The following LPP variants were observed in gnomAD, a reference collection of about 807,000 sequenced individuals.
LPP encodes lipoma-preferred partner.
LPP carries 38 observed loss-of-function variants against 60.4 expected under a neutral mutation model. That is an observed-to-expected ratio of 0.63 (90% CI 0.49 to 0.83). The LOEUF (loss-of-function observed/expected upper bound fraction) is 0.83. Among genes scored for constraint, LPP ranks in the 40% least tolerant of loss-of-function variants. LPP has a pLI of 0.00. For missense variants in LPP, 902 were observed against 783.6 expected (o/e 1.15, Z -1.80); for synonymous variants, 328 against 290.8 (o/e 1.13, Z -1.30).
At chr3:188,283,394 A>G (rs1742780581) in intron 2 of LPP, among the ~76,000 whole-genome samples, 1 of 152,182 alleles carries the variant, frequency 6.6e-6, no homozygotes, top group East Asian at 1.9e-4. Flanking sequence ...ATTGAATGAA[A>G]TTCTGGCTGC....
intron 6 of LPP, among the ~76,000 whole-genome samples, chr3:188,583,459 G>C (rs1051210052): frequency 5.3e-5 from 8 of 152,076 alleles, no homozygotes; most frequent in Non-Finnish European, 7.4e-5. Context: ...GACATTTTCA[G>C]CACACTCCTC....
At chr3:188,752,974 T>G (rs866278761) in intron 8 of LPP, among the ~76,000 whole-genome samples, 12 of 152,350 alleles carry the variant, frequency 7.9e-5, no homozygotes, top group Middle Eastern at 3.4e-3. Context: ...GGAGAAGTGA[T>G]GCTGGACTGG....
intron 7 of LPP, among the ~76,000 whole-genome samples, chr3:188,669,500 T>C (rs960629483): frequency 1.7e-4 from 26 of 152,058 alleles, no homozygotes; most frequent in South Asian, 2.1e-4. Context: ...GGTGTGAACC[T>C]GGGAGGCGGA....
chr3:188,326,349 C>T (rs752734855), intron 2 of LPP, among the ~76,000 whole-genome samples: 2 of 152,116 alleles, frequency 1.3e-5, no homozygotes, highest in Admixed American at 1.3e-4. Flanking sequence ...TTAAATATAC[C>T]GTACTCTTTT....
chr3:188,742,156 A>G (rs1437455557), intron 8 of LPP, among the ~76,000 whole-genome samples: 5 of 152,164 alleles, frequency 3.3e-5, no homozygotes, highest in African/African-American at 1.2e-4. Context: ...AGCATTAGCT[A>G]AAAGACAGAG....
intron 3 of LPP, among the ~76,000 whole-genome samples, chr3:188,376,904 G>T (rs59230128): frequency 0.011 from 1,693 of 152,266 alleles, 25 homozygotes; most frequent in African/African-American, 0.037. Context: ...AGGCCTGGTA[G>T]TGACAAAATC....
At chr3:188,602,771 TTTG>T (rs1841648154) in intron 6 of LPP, among the ~76,000 whole-genome samples, 1 of 150,854 alleles carries the variant, frequency 6.6e-6, no homozygotes, top group African/African-American at 2.4e-5. Flanking sequence ...TTTCCCCTCC[TTTG>T]TTGTTCAGAT....
chr3:188,753,965 A>C (rs542731898), intron 8 of LPP, among the ~76,000 whole-genome samples: 1 of 151,920 alleles, frequency 6.6e-6, no homozygotes, highest in African/African-American at 2.4e-5. Flanking sequence ...TATGATAAAA[A>C]CTCTTGTATT....
At chr3:188,702,368 G>T (rs1205349764) in intron 7 of LPP, among the ~76,000 whole-genome samples, 1 of 139,968 alleles carries the variant, frequency 7.1e-6, no homozygotes, top group Non-Finnish European at 1.5e-5. Context: ...GCTGTTGTAC[G>T]CAATTTATTC....
chr3:188,277,897 T>A (rs1302136622), intron 2 of LPP, among the ~76,000 whole-genome samples: 1 of 152,196 alleles, frequency 6.6e-6, no homozygotes, highest in Admixed American at 6.5e-5. Flanking sequence ...ACTAGCTGTT[T>A]GGGAATGGGG....
intron 7 of LPP, among the ~76,000 whole-genome samples, chr3:188,706,889 A>G (rs1865583849): frequency 6.6e-6 from 1 of 152,194 alleles, no homozygotes; most frequent in Non-Finnish European, 1.5e-5. Context: ...ATCAGTTCTA[A>G]ATTTAAATAA....
chr3:188,320,634 T>C (rs962684622), intron 2 of LPP, among the ~76,000 whole-genome samples: 2 of 152,208 alleles, frequency 1.3e-5, no homozygotes, highest in Non-Finnish European at 2.9e-5. Flanking sequence ...AGGATAGGGA[T>C]GAGGAGAGAA....
intron 7 of LPP, among the ~76,000 whole-genome samples, chr3:188,650,924 A>C (rs1056358432): frequency 2.6e-5 from 4 of 152,170 alleles, no homozygotes; most frequent in African/African-American, 4.8e-5. Context: ...GAGAAACCAA[A>C]TGACCCACAA....
intron 1 of LPP, among the ~76,000 whole-genome samples, chr3:188,203,464 T>A (rs1474461200): frequency 2.1e-5 from 2 of 93,702 alleles, no homozygotes; most frequent in Non-Finnish European, 3.7e-5. Flanking sequence ...TATAAATATA[T>A]ATATTTTTAA....
chr3:188,587,083 C>T (rs1333117087), intron 6 of LPP, among the ~76,000 whole-genome samples: 16 of 1,082 alleles, frequency 0.015, 8 homozygotes, highest in African/African-American at 0.019. Flanking sequence ...GTGGCTCACG[C>T]CTGTAATCCC....
At chr3:188,187,096 T>A (rs755877924) in intron 1 of LPP, among the ~76,000 whole-genome samples, 10 of 152,204 alleles carry the variant, frequency 6.6e-5, no homozygotes, top group Non-Finnish European at 1.2e-4. Context: ...AATAATGTTT[T>A]AGGTTACCTT....
chr3:188,232,525 T>A (rs1015582893), intron 2 of LPP, among the ~76,000 whole-genome samples: 16 of 144,674 alleles, frequency 1.1e-4, no homozygotes, highest in African/African-American at 3.4e-4. Context: ...TTTTTTTTTT[T>A]TTGTATTTTT....
intron 5 of LPP, among the ~76,000 whole-genome samples, chr3:188,506,094 C>A (rs1220265526): frequency 6.6e-6 from 1 of 152,098 alleles, no homozygotes; most frequent in Non-Finnish European, 1.5e-5. Context: ...AAGCCTAACT[C>A]TACTATTTTA....
intron 6 of LPP, among the ~76,000 whole-genome samples, chr3:188,603,275 TTC>T (rs199567100): frequency 0.022 from 3,281 of 152,084 alleles, 124 homozygotes; most frequent in African/African-American, 0.076. Flanking sequence ...GAGAAAGATT[TTC>T]CAGTGTCTAC....
Sources: allele counts gnomAD v4.1 joint callset (sites outside exome capture counted in the v4.1 genomes callset), GRCh38; gene constraint gnomAD v4.1.1; transcripts MANE v1.5; gene names NCBI Gene and HGNC (gene_info 2026-07-23, HGNC 2026-07-21).